Variants in CDC5L observed in about 807,000 individuals in gnomAD.
CDC5L encodes the protein cell division cycle 5 like.
A neutral mutation model predicts 104.1 loss-of-function variants in CDC5L; 18 were observed. That is an observed-to-expected ratio of 0.17 (90% CI 0.12 to 0.26). The LOEUF is 0.26. Ranked by LOEUF, CDC5L falls within the 10% of genes least tolerant of loss-of-function variation. The pLI, the probability that CDC5L is intolerant of heterozygous loss-of-function variation, is 1.00. For missense variants in CDC5L, 673 were observed against 956.9 expected (o/e 0.70, Z 3.91); for synonymous variants, 331 against 322.7 (o/e 1.03, Z -0.28).
chr6:44,405,854 A>G (rs1791338783), intron 6 of CDC5L, among the ~76,000 whole-genome samples: 1 of 151,610 alleles, frequency 6.6e-6, no homozygotes, highest in African/African-American at 2.4e-5. Flanking sequence ...ATGGTAAGTA[A>G]TGGTGTAGGG....
At chr6:44,432,540 G>C (rs1293204) in intron 14 of CDC5L, among the ~76,000 whole-genome samples, 4,527 of 151,956 alleles carry the variant, frequency 0.03, 90 homozygotes, top group African/African-American at 0.055. Flanking sequence ...AAAATGCCCT[G>C]AGGTTTATAT....
At chr6:44,446,135 G>C (rs1231195652) in intron 15 of CDC5L, among the ~76,000 whole-genome samples, 2 of 152,216 alleles carry the variant, frequency 1.3e-5, no homozygotes, top group African/African-American at 4.8e-5. Flanking sequence ...CTTAGCCCTT[G>C]TGATTTGTCC....
At chr6:44,445,437 A>G (rs1378273181) in intron 14 of CDC5L, among the ~76,000 whole-genome samples, 1 of 152,218 alleles carries the variant, frequency 6.6e-6, no homozygotes, top group African/African-American at 2.4e-5. Flanking sequence ...ATTATTATAA[A>G]TAGATTATAG....
chr6:44,418,493 A>G lies in CDC5L; in HGVS notation c.1093-956A>G, dbSNP rs200667031. ...TGTCTTTATAGCAGCATGATTTATA[A>G]TCCTTTGGGTATATAGCCAGTAATG... On this transcript the variant is annotated intron_variant, in intron 8 of 15. Coordinates refer to ENST00000371477, the MANE Select transcript of CDC5L (RefSeq NM_001253.4). Among the ~76,000 whole-genome samples, 6 of 152,254 alleles carry G rather than the reference A, an allele frequency of 3.9e-5. No individual in the cohort carries two copies. The East Asian group carries it at 7.7e-4, about 20-fold the overall frequency.
chr6:44,415,608 G>A (rs1158327624), intron 8 of CDC5L, among the ~76,000 whole-genome samples: 4 of 151,774 alleles, frequency 2.6e-5, no homozygotes, highest in East Asian at 1.9e-4. Flanking sequence ...AGGGCCAGCC[G>A]TCATGTTTGC....
intron 5 of CDC5L, 27 bp downstream of exon 5, chr6:44,396,467 C>G: frequency 7.0e-7 from 1 of 1,418,950 alleles, no homozygotes; most frequent in Non-Finnish European, 9.8e-7. Flanking sequence ...GAATAAAAAG[C>G]AAAGTGTTTT....
chr6:44,410,679 C>T (rs963130627), intron 8 of CDC5L, among the ~76,000 whole-genome samples: 4 of 151,988 alleles, frequency 2.6e-5, no homozygotes, highest in Admixed American at 6.6e-5. Context: ...AAGTAAACCT[C>T]GTTTTTTCTT....
In CDC5L at chr6:44,403,798, A is replaced by C. The variant is rs780093116; in HGVS notation, c.540-11A>C. ...CATATGATTTTCAAAGTGATTTTGC[A>C]TTCTTTTCAGACGTCTTGCTGCCCT... On this transcript the variant is annotated splice_polypyrimidine_tract_variant and intron_variant, in intron 5 of 15. Coordinates refer to ENST00000371477, the MANE Select transcript of CDC5L (RefSeq NM_001253.4). 17 of 1,583,230 alleles carry C rather than the reference A, an allele frequency of 1.1e-5. No homozygotes were observed. Among genetic ancestry groups the C allele is most frequent in the Non-Finnish European group, 1.4e-5 (16 of 1,165,840 alleles).
chr6:44,418,199 T>C (rs1047264635), intron 8 of CDC5L, among the ~76,000 whole-genome samples: 7 of 151,918 alleles, frequency 4.6e-5, no homozygotes, highest in East Asian at 1.9e-4. Context: ...CCTGTGTCCA[T>C]GTGTTCTCAT....
intron 14 of CDC5L, among the ~76,000 whole-genome samples, chr6:44,438,600 G>C (rs1272965620): frequency 3.3e-5 from 5 of 151,298 alleles, no homozygotes. Flanking sequence ...GTGGAAGAGA[G>C]TGAGTACAAA....
intron 9 of CDC5L, among the ~76,000 whole-genome samples, chr6:44,419,880 C>G (rs1792083091): frequency 6.6e-6 from 1 of 152,028 alleles, no homozygotes; most frequent in African/African-American, 2.4e-5. Flanking sequence ...TCAAGCGATT[C>G]TCGTGCCTCA....
intron 11 of CDC5L, among the ~76,000 whole-genome samples, 157 bp from the exon 12 acceptor site, chr6:44,425,946 T>C (rs1792397811): frequency 1.3e-5 from 2 of 152,024 alleles, no homozygotes; most frequent in South Asian, 4.2e-4. Flanking sequence ...CTGATTCATT[T>C]CTGTTGCCTT....
chr6:44,435,341 A>T (rs771084066), intron 14 of CDC5L, among the ~76,000 whole-genome samples: 4 of 152,036 alleles, frequency 2.6e-5, no homozygotes, highest in Non-Finnish European at 5.9e-5. Context: ...TTTAAAATAC[A>T]AACTGAGGAA....
chr6:44,439,331 C>T lies in CDC5L; in HGVS notation c.2092-6324C>T, dbSNP rs149344098. 8.0e-3 allele frequency among the ~76,000 whole-genome samples: 1,214 copies of T among 152,202 alleles called. 20 individuals carry two copies. Among genetic ancestry groups the T allele is most frequent in the African/African-American group, 0.028 (1,159 of 41,506 alleles). ...CTATGAACATTCGTGTACAGGTTTT[C>T]GTGTGGACATGTTTTCATTTCTCTT... On this transcript the variant is annotated intron_variant, in intron 14 of 15. Coordinates refer to ENST00000371477, the MANE Select transcript of CDC5L (RefSeq NM_001253.4).
intron 15 of CDC5L, 32 bp from the exon 16 acceptor site, chr6:44,446,575 C>T (rs773195216): frequency 9.3e-7 from 1 of 1,078,788 alleles, no homozygotes; most frequent in South Asian, 1.5e-5. Context: ...ATAGTTACAT[C>T]TAAAATAATT....
intron 5 of CDC5L, among the ~76,000 whole-genome samples, chr6:44,398,941 C>T (rs1790994148): frequency 6.6e-6 from 1 of 152,184 alleles, no homozygotes; most frequent in South Asian, 2.1e-4. Flanking sequence ...AGTGTTGAAT[C>T]ATTTTTGTCA....
chr6:44,391,394 T>G (rs1011631261), intron 2 of CDC5L, among the ~76,000 whole-genome samples: 5 of 151,790 alleles, frequency 3.3e-5, no homozygotes, highest in Admixed American at 6.6e-5. Flanking sequence ...GACTACAGGC[T>G]CCTGCCACCA....
chr6:44,399,646 T>C (rs1791028096), intron 5 of CDC5L, among the ~76,000 whole-genome samples: 1 of 152,282 alleles, frequency 6.6e-6, no homozygotes, highest in South Asian at 2.1e-4. Context: ...ACATTTCAGC[T>C]TTGTACTTTG....
At position 44,446,836 on chromosome 6, in the gene CDC5L, T is replaced by G. The variant is rs1793474538; in HGVS notation, c.*125T>G. The G allele has an allele frequency of 9.1e-6, 5 of 548,020 alleles. No individual in the cohort carries two copies. In the East Asian group the frequency reaches 1.5e-4, roughly 16 times the overall value. The allele number at this position is 548,020 out of a possible 1,614,324, so 33.9% of individuals were successfully genotyped here. A position where few individuals can be genotyped will look rare whatever the true frequency, so the allele number is the denominator to read the frequency against. On this transcript the variant is annotated 3_prime_UTR_variant, in exon 16 of 16. Coordinates refer to ENST00000371477, the MANE Select transcript of CDC5L (RefSeq NM_001253.4). ...ATCTGTGGTTTTTCAGTTGTTTATT[T>G]TAAATGATATCGATCTTACACATTC...
Sources: allele counts gnomAD v4.1 joint callset (sites outside exome capture counted in the v4.1 genomes callset), GRCh38; gene constraint gnomAD v4.1.1; transcripts MANE v1.5; gene names NCBI Gene and HGNC (gene_info 2026-07-23, HGNC 2026-07-21).